ZC3HC1: variants seen among roughly 807,000 people sequenced by gnomAD.
ZC3HC1 encodes the protein zinc finger C3HC-type protein 1.
A neutral mutation model predicts 61.9 loss-of-function variants in ZC3HC1; 38 were observed. That is an observed-to-expected ratio of 0.61 (90% CI 0.47 to 0.81). The LOEUF is 0.81. ZC3HC1 is among the 30% of genes least tolerant of loss of function. The pLI, the probability that ZC3HC1 is intolerant of heterozygous loss-of-function variation, is 0.00. For missense variants in ZC3HC1, 554 were observed against 622.7 expected, an observed-to-expected ratio of 0.89 and a Z score of 1.17; for synonymous variants, 213 against 229.9, an observed-to-expected ratio of 0.93 and a Z score of 0.67.
chr7:130,047,377 T>G (rs959976825), intron 2 of ZC3HC1, among the ~76,000 whole-genome samples: 5 of 152,206 alleles, frequency 3.3e-5, no homozygotes, highest in Admixed American at 3.3e-4. Context: ...ATTACAGGCG[T>G]AAGCCACCAT....
chr7:130,018,617 A>T lies in ZC3HC1; in HGVS notation c.*47T>A, dbSNP rs933308868. On this transcript the variant is annotated 3_prime_UTR_variant, in exon 10 of 10. Coordinates refer to ENST00000358303, the MANE Select transcript of ZC3HC1 (RefSeq NM_016478.5). ...AAGGAACTCAGCCTTAATTTTTCAAAAAGTCACTCTCATTCCAGCTATCTC... is the reference window on the plus strand; with the variant it reads ...AAGGAACTCAGCCTTAATTTTTCAATAAGTCACTCTCATTCCAGCTATCTC... 4.7e-5 allele frequency: 73 copies of T among 1,545,258 alleles called. 1 individual carries two copies. Among genetic ancestry groups the T allele is most frequent in the Non-Finnish European group, 6.2e-5 (70 of 1,129,022 alleles).
intron 9 of ZC3HC1, among the ~76,000 whole-genome samples, chr7:130,021,396 G>A (rs76142563): frequency 0.022 from 3,346 of 152,268 alleles, 47 homozygotes; most frequent in Middle Eastern, 0.027. Context: ...GTGAGCCAGC[G>A]AAGGAGAGAA....
At chr7:130,019,959 G>A (rs1308850655) in intron 9 of ZC3HC1, among the ~76,000 whole-genome samples, 1 of 151,748 alleles carries the variant, frequency 6.6e-6, no homozygotes, top group Non-Finnish European at 1.5e-5. Context: ...TGGGATTACA[G>A]GCATATGCCA....
At chr7:130,020,401 A>G (rs1280805018) in intron 9 of ZC3HC1, among the ~76,000 whole-genome samples, 1 of 150,396 alleles carries the variant, frequency 6.6e-6, no homozygotes, top group East Asian at 2.0e-4. Context: ...TACTGGGATT[A>G]CAGGTGCACA....
intron 4 of ZC3HC1, among the ~76,000 whole-genome samples, chr7:130,029,410 C>G (rs950969803): frequency 6.6e-6 from 1 of 151,810 alleles, no homozygotes; most frequent in Admixed American, 6.6e-5. Flanking sequence ...ATAAAAAACA[C>G]ATATTGAATG....
intron 4 of ZC3HC1, among the ~76,000 whole-genome samples, chr7:130,032,201 G>A (rs796133973): frequency 1.1e-3 from 153 of 145,266 alleles, no homozygotes; most frequent in African/African-American, 3.7e-3. Context: ...TCCAGCCTGG[G>A]CAACAGAACA....
chr7:130,048,245 G>A (rs1794944654), intron 2 of ZC3HC1, among the ~76,000 whole-genome samples: 1 of 149,102 alleles, frequency 6.7e-6, no homozygotes, highest in East Asian at 2.0e-4. Context: ...TGCCTCCTAG[G>A]TTCAAGCTAT....
intron 5 of ZC3HC1, 169 bp from the exon 6 acceptor site, chr7:130,026,481 C>T (rs1584566481): frequency 1.7e-6 from 1 of 591,380 alleles, no homozygotes; most frequent in East Asian, 3.1e-5. Flanking sequence ...GCTATAGTAT[C>T]ACACAGAAGC....
intron 4 of ZC3HC1, among the ~76,000 whole-genome samples, chr7:130,030,276 T>C (rs1034329604): frequency 6.6e-6 from 1 of 150,436 alleles, no homozygotes; most frequent in Non-Finnish European, 1.5e-5. Flanking sequence ...CACGGCTCAC[T>C]GCAACCTCTG....
At chr7:130,039,893 T>C (rs1315378622) in intron 3 of ZC3HC1, among the ~76,000 whole-genome samples, 1 of 151,772 alleles carries the variant, frequency 6.6e-6, no homozygotes, top group African/African-American at 2.4e-5. Context: ...TAGTGTTTTG[T>C]ATTTTTAGTA....
At chr7:130,037,652 T>C (rs1345426066) in intron 4 of ZC3HC1, among the ~76,000 whole-genome samples, 2 of 152,172 alleles carry the variant, frequency 1.3e-5, no homozygotes, top group African/African-American at 2.4e-5. Flanking sequence ...TCTACCACCC[T>C]TTCATTGATC....
At chr7:130,026,044 C>T in intron 6 of ZC3HC1, 114 bp downstream of exon 6, 2 of 1,299,716 alleles carry the variant, frequency 1.5e-6, no homozygotes, top group Admixed American at 2.5e-5. Context: ...TTTTCTTTGT[C>T]TCTTTTTCTC....
intron 2 of ZC3HC1, among the ~76,000 whole-genome samples, chr7:130,046,171 C>A (rs2116772508): frequency 6.6e-6 from 1 of 152,256 alleles, no homozygotes; most frequent in Admixed American, 6.5e-5. Context: ...GGAGGGAAAG[C>A]ATCAGGAGGA....
Position 130,039,481 on chromosome 7 carries a change from G to A in ZC3HC1, c.476C>T (p.Pro159Leu). The part of the protein sequence containing the change: ...CTAHEKFCFW[P>L]DSPSPDRFGM... Reference sequence around the variant, plus strand: ...ATAAGTACCTGGGGATGGGCTGTCTGGCCAGAAACAGAACTTCTCATGGGC... The same window carrying A: ...ATAAGTACCTGGGGATGGGCTGTCTAGCCAGAAACAGAACTTCTCATGGGC... Residue 159 changes from proline to leucine, a missense_variant, in exon 4 of 10, where the codon CCA (proline) becomes CTA (leucine). Transcript: ENST00000358303. The A allele has an allele frequency of 6.2e-7, 1 of 1,612,172 alleles. No homozygotes were observed. Among genetic ancestry groups the A allele is most frequent in the Non-Finnish European group, 8.5e-7 (1 of 1,179,468 alleles).
intron 9 of ZC3HC1, 141 bp downstream of exon 9, chr7:130,022,178 C>T: frequency 9.1e-7 from 1 of 1,098,130 alleles, no homozygotes; most frequent in Non-Finnish European, 1.3e-6. Context: ...TCTCAAAAAA[C>T]AAACAAACAA....
chr7:130,032,752 G>A (rs1338068304), intron 4 of ZC3HC1, among the ~76,000 whole-genome samples: 1 of 112,530 alleles, frequency 8.9e-6, no homozygotes, highest in Non-Finnish European at 1.8e-5. Context: ...AGTAAGAGGG[G>A]AAGGGGGGAA....
chr7:130,049,125 A>T lies in ZC3HC1; in HGVS notation c.166T>A (p.Ser56Thr), dbSNP rs1329552988. Residue 56 changes from serine to threonine, a missense_variant, in exon 2 of 10, where the codon TCC becomes ACC. Physicochemically the swap from Ser to Thr is moderately conservative, Grantham distance 58. Coordinates refer to ENST00000358303, the MANE Select transcript of ZC3HC1 (RefSeq NM_016478.5). ...GVDAKDTSAT[S>T]QSVNGSPQAE... ...TGGGGTGATCCATTAACTGACTGGG[A>T]TGTGGCAGACGTGTCCTTCCTAATA... 6.2e-7 allele frequency: 1 copy of T among 1,600,382 alleles called. No individual in the cohort carries two copies. Among genetic ancestry groups the T allele is most frequent in the Non-Finnish European group, 8.5e-7 (1 of 1,174,054 alleles).
chr7:130,037,997 T>C (rs1794491392), intron 4 of ZC3HC1, among the ~76,000 whole-genome samples: 1 of 152,228 alleles, frequency 6.6e-6, no homozygotes, highest in African/African-American at 2.4e-5. Flanking sequence ...TTACTATATT[T>C]ATTGCTCAGG....
At chr7:130,027,658 C>T (rs189649391) in intron 5 of ZC3HC1, among the ~76,000 whole-genome samples, 5 of 152,170 alleles carry the variant, frequency 3.3e-5, no homozygotes, top group Non-Finnish European at 7.4e-5. Flanking sequence ...GCTGGGACTA[C>T]AGGCATAAAC....
Sources: gnomAD v4.1 joint callset for allele counts (sites outside exome capture counted in the v4.1 genomes callset) on GRCh38, gnomAD v4.1.1 for gene constraint, MANE v1.5 for transcripts, NCBI Gene and HGNC (gene_info 2026-07-23, HGNC 2026-07-21) for gene names.